The following EIF3J variants were observed in gnomAD, a reference collection of about 807,000 sequenced individuals.
EIF3J encodes the protein eukaryotic translation initiation factor 3, subunit 1 (alpha, 35kD).
In EIF3J, 15 loss-of-function variants were observed where a neutral mutation model predicts 39.0. That is an observed-to-expected ratio of 0.38 (90% confidence interval 0.26 to 0.59). EIF3J has a LOEUF of 0.59. EIF3J is among the 20% of genes least tolerant of loss of function. EIF3J has a pLI of 0.60. For synonymous variants in EIF3J, 98 were observed against 112.9 expected (o/e 0.87, Z 0.84); for missense variants, 226 against 308.6 (o/e 0.73, Z 2.00).
At chr15:44,547,614 A>G (rs1022850530) in intron 2 of EIF3J, among the ~76,000 whole-genome samples, 7 of 151,210 alleles carry the variant, frequency 4.6e-5, no homozygotes, top group Non-Finnish European at 1.0e-4. Flanking sequence ...ACGCCCAGCT[A>G]ATTTTTTGTA....
chr15:44,551,068 T>A (rs1029374408), intron 3 of EIF3J, 138 bp downstream of exon 3: 15 of 1,372,678 alleles, frequency 1.1e-5, no homozygotes, highest in Non-Finnish European at 1.4e-5. Flanking sequence ...ATTCCCACTT[T>A]ATTCTGTTTT....
chr15:44,546,219 C>G (rs1169720098), intron 2 of EIF3J, among the ~76,000 whole-genome samples: 1 of 152,208 alleles, frequency 6.6e-6, no homozygotes, highest in Non-Finnish European at 1.5e-5. Context: ...ATTTCTAACT[C>G]TAGTATCACA....
intron 6 of EIF3J, among the ~76,000 whole-genome samples, chr15:44,559,887 TTGG>T (rs1396954880): frequency 9.2e-5 from 14 of 152,186 alleles, no homozygotes; most frequent in Middle Eastern, 3.4e-3. Flanking sequence ...CAATGGTGTG[TTGG>T]TGATTACAGG....
intron 2 of EIF3J, among the ~76,000 whole-genome samples, chr15:44,541,393 A>G (rs924319575): frequency 1.3e-5 from 2 of 152,222 alleles, no homozygotes; most frequent in African/African-American, 4.8e-5. Context: ...CATCTCACGC[A>G]TTTGCCTCTG....
At chr15:44,538,902 A>C (rs1009176423) in intron 2 of EIF3J, among the ~76,000 whole-genome samples, 7 of 152,220 alleles carry the variant, frequency 4.6e-5, no homozygotes, top group Non-Finnish European at 1.0e-4. Context: ...CAGAGAAAAG[A>C]TTAGAGATAT....
intron 5 of EIF3J, among the ~76,000 whole-genome samples, chr15:44,555,165 G>A (rs985872792): frequency 3.3e-5 from 5 of 152,116 alleles, no homozygotes; most frequent in South Asian, 2.1e-4. Context: ...TTCTTTGTGC[G>A]GTGTCTGCAG....
chr15:44,550,970 T>C (rs1416513114), intron 3 of EIF3J, 40 bp downstream of exon 3: 1 of 1,591,304 alleles, frequency 6.3e-7, no homozygotes, highest in African/African-American at 1.4e-5. Flanking sequence ...TTTTATGTCT[T>C]GCTGAGCATT....
At chr15:44,539,545 T>C (rs758498166) in intron 2 of EIF3J, among the ~76,000 whole-genome samples, 7 of 150,496 alleles carry the variant, frequency 4.7e-5, no homozygotes, top group East Asian at 2.0e-4. Context: ...GGACTACAGG[T>C]GCCCACCACC....
intron 2 of EIF3J, among the ~76,000 whole-genome samples, chr15:44,549,114 C>T (rs1478322705): frequency 6.6e-6 from 1 of 152,040 alleles, no homozygotes; most frequent in Non-Finnish European, 1.5e-5. Context: ...GACTTTCTGG[C>T]TGGGCGAAGT....
At position 44,561,197 on chromosome 15, in the gene EIF3J, G is replaced by C; in HGVS notation, c.*48G>C. On this transcript the variant is annotated 3_prime_UTR_variant, in exon 8 of 8. Coordinates refer to ENST00000261868, the MANE Select transcript of EIF3J (RefSeq NM_003758.4). ...ATCTTTATGTTGCCCACAATCCCTT[G>C]AACATGTAGCACAACTTCCTTTCCT... 2 of 1,578,448 alleles carry C rather than the reference G, an allele frequency of 1.3e-6. No homozygotes were observed. The highest frequency in any genetic ancestry group is 8.6e-7 in the Non-Finnish European group (1 of 1,164,194).
chr15:44,544,652 T>C (rs1440925780), intron 2 of EIF3J, among the ~76,000 whole-genome samples: 1 of 139,708 alleles, frequency 7.2e-6, no homozygotes, highest in Non-Finnish European at 1.5e-5. Context: ...TGCGGTGAGC[T>C]GAGATCGTGC....
In EIF3J at chr15:44,551,430, G is replaced by C. The variant is rs2082098140; in HGVS notation, c.203-1G>C. The C allele has an allele frequency of 6.4e-7, 1 of 1,560,502 alleles. No individual in the cohort carries two copies. Among genetic ancestry groups the C allele is most frequent in the Admixed American group, 2.0e-5 (1 of 50,512 alleles). On this transcript the variant is annotated splice_acceptor_variant, in intron 3 of 7. Transcript: ENST00000261868. LOFTEE classifies it high-confidence loss of function. ...TGAATAAAACTTTTTTTTACTTTTA[G>C]AGGTAAAAATTTCAGAAAAGAAAAA...
At chr15:44,554,841 A>G (rs1252081830) in intron 5 of EIF3J, among the ~76,000 whole-genome samples, 174 bp downstream of exon 5, 1 of 152,226 alleles carries the variant, frequency 6.6e-6, no homozygotes, top group African/African-American at 2.4e-5. Flanking sequence ...AGATTTTTGA[A>G]TAATTGTTTT....
chr15:44,561,804 T>C lies in EIF3J; in HGVS notation c.*655T>C, dbSNP rs2082199633. ...TCTCTCGAGTGCAAAGACTGTCTAG[T>C]TATTTATCAGGCTATTTCTACTGAT... On this transcript the variant is annotated 3_prime_UTR_variant, in exon 8 of 8. Transcript: ENST00000261868. 6.6e-6 allele frequency: 1 copy of C among 152,648 alleles called. No individual in the cohort carries two copies. Among genetic ancestry groups the C allele is most frequent in the South Asian group, 2.1e-4 (1 of 4,832 alleles). The allele number at this position is 152,648 out of a possible 1,614,324, so 9.5% of individuals were successfully genotyped here.
chr15:44,551,462 A>G lies in EIF3J; in HGVS notation c.234A>G (p.Ala78=). 1 of 1,589,330 alleles carries G rather than the reference A, an allele frequency of 6.3e-7. No homozygotes were observed. The change falls in exon 4 of 8, where the codon GCA becomes GCG. Residue 78 remains alanine (A), a synonymous_variant. Coordinates refer to ENST00000261868, the MANE Select transcript of EIF3J (RefSeq NM_003758.4). ...EVKISEKKKI[A]EKIKEKERQQ... ...AAATTTCAGAAAAGAAAAAAATAGC[A>G]GAGAAGATAAAAGAGAAAGAACGGC... is the stretch of plus-strand genomic sequence containing the variant.
At chr15:44,539,060 CT>C (rs556627711) in intron 2 of EIF3J, among the ~76,000 whole-genome samples, 1 of 141,596 alleles carries the variant, frequency 7.1e-6, no homozygotes, top group African/African-American at 2.6e-5. Flanking sequence ...GAGTTTCGCT[CT>C]TGTTGCCCAG....
intron 6 of EIF3J, chr15:44,558,748 G>GT (rs1469078456): frequency 6.6e-6 from 1 of 152,120 alleles, no homozygotes; most frequent in Admixed American, 6.5e-5. Flanking sequence ...CCTATTTGCA[G>GT]TTTTTAAGAT....
chr15:44,538,872 TG>T (rs2081984006), intron 2 of EIF3J, among the ~76,000 whole-genome samples: 1 of 152,194 alleles, frequency 6.6e-6, no homozygotes, highest in Non-Finnish European at 1.5e-5. Context: ...TTATGAAATT[TG>T]GGAATAAATT....
chr15:44,539,157 G>C lies in EIF3J; in HGVS notation c.147+1730G>C, dbSNP rs552261072. ...TTCTCCTGCTTCAGCCTCCCAAGTA[G>C]CTGGGATTACAGGCACGCACCACCA... is the stretch of plus-strand genomic sequence containing the variant. On this transcript the variant is annotated intron_variant, in intron 2 of 7. Coordinates refer to ENST00000261868, the MANE Select transcript of EIF3J (RefSeq NM_003758.4). 2.0e-5 allele frequency among the ~76,000 whole-genome samples: 3 copies of C among 151,184 alleles called. No individual in the cohort carries two copies. The South Asian group carries it at 6.3e-4, about 31-fold the overall frequency.
Sources: allele counts gnomAD v4.1 joint callset (sites outside exome capture counted in the v4.1 genomes callset), GRCh38; gene constraint gnomAD v4.1.1; transcripts MANE v1.5; gene names NCBI Gene and HGNC (gene_info 2026-07-23, HGNC 2026-07-21).